GLCE: variants seen among roughly 807,000 people sequenced by gnomAD.
GLCE encodes D-glucuronyl C5-epimerase.
In GLCE, 19 loss-of-function variants were observed where a neutral mutation model predicts 47.9. That is an observed-to-expected ratio of 0.40 (90% confidence interval 0.28 to 0.58). The LOEUF (loss-of-function observed/expected upper bound fraction) is 0.58. Among genes scored for constraint, GLCE ranks in the 20% least tolerant of loss-of-function variants. The pLI is 0.48. For synonymous variants in GLCE, 245 were observed against 263.4 expected (o/e 0.93, Z 0.68); for missense variants, 556 against 743.3 (o/e 0.75, Z 2.93).
At chr15:69,216,863 T>A (rs769767172) in intron 2 of GLCE, among the ~76,000 whole-genome samples, 46 of 152,216 alleles carry the variant, frequency 3.0e-4, no homozygotes, top group Admixed American at 1.6e-3. Flanking sequence ...GCTAAGTGAG[T>A]TCCCTATTTC....
chr15:69,263,106 T>C (rs2053036764), intron 4 of GLCE, among the ~76,000 whole-genome samples: 1 of 152,140 alleles, frequency 6.6e-6, no homozygotes, highest in African/African-American at 2.4e-5. Flanking sequence ...CTCAAAAAGT[T>C]TTGGATTTTG....
At chr15:69,191,389 A>T (rs1013126750) in intron 1 of GLCE, among the ~76,000 whole-genome samples, 1 of 152,180 alleles carries the variant, frequency 6.6e-6, no homozygotes, top group Admixed American at 6.5e-5. Flanking sequence ...AGTCAAACTC[A>T]TGGTTATGAC....
chr15:69,164,380 G>T (rs1595729451), intron 1 of GLCE, among the ~76,000 whole-genome samples: 1 of 151,588 alleles, frequency 6.6e-6, no homozygotes, highest in Admixed American at 6.6e-5. Context: ...GCTACTCATG[G>T]TGTGTCCTTG....
chr15:69,225,247 TAA>T (rs1213612133), intron 2 of GLCE, among the ~76,000 whole-genome samples: 2 of 152,030 alleles, frequency 1.3e-5, no homozygotes, highest in African/African-American at 4.8e-5. Context: ...GTTGGCATAA[TAA>T]AGAGTAAGCC....
chr15:69,254,704 A>G (rs1376430689), intron 2 of GLCE, among the ~76,000 whole-genome samples: 1 of 152,206 alleles, frequency 6.6e-6, no homozygotes, highest in Non-Finnish European at 1.5e-5. Flanking sequence ...AGATTGAGGA[A>G]AAGATTGGGA....
chr15:69,239,702 A>G (rs566443127), intron 2 of GLCE, among the ~76,000 whole-genome samples: 1 of 152,190 alleles, frequency 6.6e-6, no homozygotes, highest in African/African-American at 2.4e-5. Flanking sequence ...TGTATCAAAT[A>G]TGTTAAAAAT....
rs761681048 is a variant in GLCE, at chr15:69,269,254, C to A, written c.*10C>A. On this transcript the variant is annotated 3_prime_UTR_variant, in exon 5 of 5. Transcript: ENST00000261858. Reference sequence around the variant, plus strand: ...GGCAAAGCACAACTAGAGCTCACAACCAAAACTGCACTTCAGCCTCTGCTG... The same window carrying A: ...GGCAAAGCACAACTAGAGCTCACAAACAAAACTGCACTTCAGCCTCTGCTG... 13 of 1,608,654 alleles carry A rather than the reference C, an allele frequency of 8.1e-6. No individual in the cohort carries two copies. The highest frequency in any genetic ancestry group is 1.0e-5 in the Non-Finnish European group (12 of 1,175,786).
chr15:69,218,939 A>G (rs1417065302), intron 2 of GLCE, among the ~76,000 whole-genome samples: 2 of 152,194 alleles, frequency 1.3e-5, no homozygotes, highest in African/African-American at 4.8e-5. Flanking sequence ...ACTTAGTATA[A>G]TATTTGTAAA....
intron 1 of GLCE, among the ~76,000 whole-genome samples, chr15:69,203,139 G>A (rs906627769): frequency 2.0e-5 from 3 of 152,082 alleles, no homozygotes; most frequent in African/African-American, 7.2e-5. Context: ...TCAGTGGCCA[G>A]TAAGGTAAAG....
intron 4 of GLCE, among the ~76,000 whole-genome samples, chr15:69,263,842 G>A (rs2053047217): frequency 6.6e-6 from 1 of 151,704 alleles, no homozygotes; most frequent in African/African-American, 2.4e-5. Flanking sequence ...AGTTTTTGTT[G>A]GATGTGAAAC....
intron 1 of GLCE, among the ~76,000 whole-genome samples, chr15:69,188,685 A>G (rs1275278071): frequency 2.0e-5 from 3 of 152,144 alleles, no homozygotes; most frequent in Admixed American, 6.6e-5. Context: ...TGTTAAATCT[A>G]TTGACATCAA....
chr15:69,243,898 C>T (rs1313086397), intron 2 of GLCE, among the ~76,000 whole-genome samples: 1 of 152,112 alleles, frequency 6.6e-6, no homozygotes, highest in Non-Finnish European at 1.5e-5. Flanking sequence ...CCTTGGTTTC[C>T]CAAAGTGCTG....
chr15:69,213,663 G>A (rs934531448), intron 2 of GLCE, among the ~76,000 whole-genome samples: 1 of 152,038 alleles, frequency 6.6e-6, no homozygotes, highest in Non-Finnish European at 1.5e-5. Flanking sequence ...AAATATTTGG[G>A]GGAAAATGCT....
chr15:69,261,501 A>C (rs1009308008), intron 4 of GLCE, among the ~76,000 whole-genome samples, 172 bp downstream of exon 4: 1 of 152,206 alleles, frequency 6.6e-6, no homozygotes, highest in African/African-American at 2.4e-5. Flanking sequence ...GATACAGCTA[A>C]AAAGTCAAGG....
chr15:69,213,846 T>C (rs1261099485), intron 2 of GLCE, among the ~76,000 whole-genome samples: 1 of 152,132 alleles, frequency 6.6e-6, no homozygotes, highest in Admixed American at 6.6e-5. Context: ...TAGTCCCTGC[T>C]CACATTTATT....
intron 1 of GLCE, among the ~76,000 whole-genome samples, chr15:69,188,085 AC>A (rs1462133677): frequency 4.0e-5 from 6 of 150,950 alleles, no homozygotes; most frequent in Admixed American, 6.6e-5. Context: ...AACAACAACA[AC>A]AAAAAAATTA....
chr15:69,181,390 G>T (rs1312622261), intron 1 of GLCE, among the ~76,000 whole-genome samples: 2 of 152,156 alleles, frequency 1.3e-5, no homozygotes, highest in Non-Finnish European at 2.9e-5. Flanking sequence ...GAGATTTGGA[G>T]CACTACAACA....
intron 1 of GLCE, among the ~76,000 whole-genome samples, chr15:69,186,886 C>A (rs1041536466): frequency 4.0e-5 from 6 of 150,746 alleles, no homozygotes; most frequent in African/African-American, 1.5e-4. Context: ...TTTTTCCTTT[C>A]TTGGAATATC....
chr15:69,187,370 A>G (rs1161830909), intron 1 of GLCE, among the ~76,000 whole-genome samples: 1 of 152,190 alleles, frequency 6.6e-6, no homozygotes, highest in Admixed American at 6.6e-5. Context: ...CTGTGTTACT[A>G]TGTACAAGCA....
Sources: allele counts gnomAD v4.1 joint callset (sites outside exome capture counted in the v4.1 genomes callset), GRCh38; gene constraint gnomAD v4.1.1; transcripts MANE v1.5; gene names NCBI Gene and HGNC (gene_info 2026-07-23, HGNC 2026-07-21).